Variants in TENM3 observed in about 807,000 individuals in gnomAD.
TENM3 encodes the protein teneurin-3.
In TENM3, 63 loss-of-function variants were observed where a neutral mutation model predicts 255.1. The observed-to-expected ratio is 0.25, with a 90% CI of 0.20 to 0.30. TENM3 has a LOEUF of 0.30. TENM3 is among the 10% of genes least tolerant of loss of function. The probability of loss-of-function intolerance (pLI) is 1.00; values close to 1 mark genes in which losing one functional copy is unlikely to be tolerated. For missense variants in TENM3, 2,929 were observed against 3,461.1 expected, an observed-to-expected ratio of 0.85 and a Z score of 3.86; for synonymous variants, 1,306 against 1,322.3, an observed-to-expected ratio of 0.99 and a Z score of 0.27.
the TENM3 span, among the ~76,000 whole-genome samples, chr4:181,826,273 G>A: frequency 1.3e-4 from 20 of 152,048 alleles, 1 homozygote; most frequent in South Asian, 1.5e-3. Context: ...AAAATAAGCC[G>A]GAGAAAAAGT....
chr4:182,181,551 G>A (rs919638311), intron 1 of TENM3, among the ~76,000 whole-genome samples: 1 of 152,174 alleles, frequency 6.6e-6, no homozygotes, highest in Non-Finnish European at 1.5e-5. Context: ...TAAAGTAGCA[G>A]AATGTAATAT....
chr4:182,745,032 T>A (rs911511301), intron 19 of TENM3, among the ~76,000 whole-genome samples: 34 of 152,254 alleles, frequency 2.2e-4, no homozygotes, highest in African/African-American at 7.9e-4. Context: ...AGTTTGGTCA[T>A]TAAAATATCT....
chr4:181,861,686 C>A, the TENM3 span, among the ~76,000 whole-genome samples: 6 of 152,038 alleles, frequency 3.9e-5, no homozygotes, highest in Non-Finnish European at 5.9e-5. Flanking sequence ...CATTTAACAT[C>A]TCAAACATTG....
At chr4:182,394,968 T>A (rs1768700113) in intron 3 of TENM3, among the ~76,000 whole-genome samples, 1 of 152,184 alleles carries the variant, frequency 6.6e-6, no homozygotes, top group South Asian at 2.1e-4. Flanking sequence ...CTTTGCTATA[T>A]CCCTTTAGTG....
At position 182,460,274 on chromosome 4, in the gene TENM3, A is replaced by G. The variant is rs150456626; in HGVS notation, c.511+113345A>G. On this transcript the variant is annotated intron_variant, in intron 3 of 27. Transcript: ENST00000511685. ...TTATTTATCTATGTCTTAAGCTCAC[A>G]TAGAATATAATTCTATGTATATTAG... 3.4e-3 allele frequency among the ~76,000 whole-genome samples: 517 copies of G among 152,300 alleles called. 3 individuals are homozygous for G. Among genetic ancestry groups the G allele is most frequent in the African/African-American group, 0.012 (504 of 41,570 alleles).
chr4:182,666,970 A>G (rs994525748), intron 6 of TENM3, among the ~76,000 whole-genome samples: 4 of 152,136 alleles, frequency 2.6e-5, no homozygotes, highest in Non-Finnish European at 5.9e-5. Flanking sequence ...TAACTTTTAT[A>G]TGCACTGGTA....
intron 13 of TENM3, 75 bp downstream of exon 13, chr4:182,714,308 C>G: frequency 8.2e-6 from 2 of 243,744 alleles, no homozygotes; most frequent in Non-Finnish European, 1.2e-5. Context: ...ACATAGATAT[C>G]TGTTGCCAAA....
At chr4:181,627,107 T>A in the TENM3 span, among the ~76,000 whole-genome samples, 1 of 152,182 alleles carries the variant, frequency 6.6e-6, no homozygotes, top group Non-Finnish European at 1.5e-5. Context: ...CAAGACATTT[T>A]CTAAGGAGAG....
the TENM3 span, among the ~76,000 whole-genome samples, chr4:181,910,670 T>C: frequency 6.7e-6 from 1 of 150,060 alleles, no homozygotes; most frequent in Non-Finnish European, 1.5e-5. Flanking sequence ...TAGAGAGGAG[T>C]CTCACTATGT....
At chr4:181,657,416 A>C in the TENM3 span, among the ~76,000 whole-genome samples, 1 of 152,300 alleles carries the variant, frequency 6.6e-6, no homozygotes. Flanking sequence ...CGTAAGAAAA[A>C]ATGCTCAGCA....
At chr4:181,569,553 A>G in the TENM3 span, among the ~76,000 whole-genome samples, 1 of 152,118 alleles carries the variant, frequency 6.6e-6, no homozygotes, top group South Asian at 2.1e-4. Context: ...TCTGTCTTGC[A>G]TGCTAGAATT....
At chr4:182,680,792 T>A in intron 10 of TENM3, 55 bp downstream of exon 10, 2 of 1,323,570 alleles carry the variant, frequency 1.5e-6, no homozygotes, top group Non-Finnish European at 2.0e-6. Context: ...AGAAACAGAT[T>A]GTATCTGTAA....
chr4:182,029,298 C>T, the TENM3 span, among the ~76,000 whole-genome samples: 1 of 152,182 alleles, frequency 6.6e-6, no homozygotes, highest in Non-Finnish European at 1.5e-5. Context: ...TCTCACCAGG[C>T]CCCCACCTCC....
At chr4:182,161,682 TA>T (rs1751230613) in intron 1 of TENM3, among the ~76,000 whole-genome samples, 1 of 125,556 alleles carries the variant, frequency 8.0e-6, no homozygotes, top group African/African-American at 3.1e-5. Flanking sequence ...TATGTATATA[TA>T]TACACAAATA....
rs191656251 is a variant in TENM3, at chr4:182,237,389, G to A, written c.-75-86557G>A. ...CATTCTGTTTTCTTTTTTTTGAAAC[G>A]GAGTCTCACTCTGTCGCCTAGGCTG... On this transcript the variant is annotated intron_variant, in intron 1 of 2. Transcript: ENST00000512480. 8.5e-3 allele frequency among the ~76,000 whole-genome samples: 580 copies of A among 68,236 alleles called. 5 individuals are homozygous for A. Among genetic ancestry groups the A allele is most frequent in the African/African-American group, 0.049 (533 of 10,830 alleles). 44.8% of individuals were successfully genotyped at this position (68,236 alleles called of 152,430 possible).
the TENM3 span, among the ~76,000 whole-genome samples, chr4:181,712,631 A>G: frequency 1.3e-5 from 2 of 152,184 alleles, no homozygotes; most frequent in African/African-American, 4.8e-5. Context: ...CCCTCAGTCC[A>G]TATTTAATTG....
chr4:182,434,008 G>A (rs1396343520), intron 3 of TENM3, among the ~76,000 whole-genome samples: 2 of 152,084 alleles, frequency 1.3e-5, no homozygotes, highest in Admixed American at 6.5e-5. Flanking sequence ...CTGCTGCTCG[G>A]GAGACTGAGG....
chr4:182,144,594 GC>G (rs1336137780), upstream of TENM3: 3 of 147,788 alleles, frequency 2.0e-5, no homozygotes, highest in Non-Finnish European at 3.0e-5. Flanking sequence ...CCCCCTCCCC[GC>G]CCCCGCCCCG....
At chr4:182,070,951 T>C in the TENM3 span, among the ~76,000 whole-genome samples, 3 of 152,278 alleles carry the variant, frequency 2.0e-5, no homozygotes, top group East Asian at 1.9e-4. Context: ...GGACTTGAAC[T>C]TCAGGACTCC....
Sources: allele counts gnomAD v4.1 joint callset (sites outside exome capture counted in the v4.1 genomes callset), GRCh38; gene constraint gnomAD v4.1.1; transcripts MANE v1.5; gene names NCBI Gene and HGNC (gene_info 2026-07-23, HGNC 2026-07-21).